The following ADGRB3 variants were observed in gnomAD, a reference collection of about 807,000 sequenced individuals.
ADGRB3 encodes brain-specific angiogenesis inhibitor 3.
In ADGRB3, 37 loss-of-function variants were observed where a neutral mutation model predicts 193.4. The observed-to-expected ratio is 0.19, with a 90% CI of 0.15 to 0.25. The LOEUF (loss-of-function observed/expected upper bound fraction) is 0.25. Ranked by LOEUF, ADGRB3 falls within the 10% of genes least tolerant of loss-of-function variation. ADGRB3 has a pLI of 1.00. For missense variants in ADGRB3, 1,637 were observed against 1,852.9 expected (o/e 0.88, Z 2.14); for synonymous variants, 690 against 644.2 (o/e 1.07, Z -1.08).
chr6:68,776,862 C>T (rs1766757732), intron 3 of ADGRB3, among the ~76,000 whole-genome samples: 1 of 151,992 alleles, frequency 6.6e-6, no homozygotes, highest in Non-Finnish European at 1.5e-5. Flanking sequence ...AAAAAGGAAT[C>T]CTTAAACCTC....
intron 3 of ADGRB3, among the ~76,000 whole-genome samples, chr6:68,920,382 G>C (rs1932609): frequency 0.67 from 101,171 of 151,014 alleles, 34,578 homozygotes; most frequent in Middle Eastern, 0.82. Context: ...AGCCGGGCGT[G>C]GTGGTGGGCT....
intron 3 of ADGRB3, among the ~76,000 whole-genome samples, chr6:68,813,769 AT>A (rs1172698137): frequency 6.6e-6 from 1 of 151,820 alleles, no homozygotes; most frequent in East Asian, 1.9e-4. Context: ...ATGTGTTCTC[AT>A]TGTTCGATTC....
chr6:68,795,277 AG>A (rs1170932409), intron 3 of ADGRB3, among the ~76,000 whole-genome samples: 1 of 152,112 alleles, frequency 6.6e-6, no homozygotes, highest in African/African-American at 2.4e-5. Flanking sequence ...AAAAAAAAGA[AG>A]AAAAAATAGA....
chr6:69,110,460 A>G (rs1269837633), intron 17 of ADGRB3, among the ~76,000 whole-genome samples: 3 of 152,200 alleles, frequency 2.0e-5, no homozygotes, highest in African/African-American at 7.2e-5. Flanking sequence ...GGAAACTGCT[A>G]CAGAAAAACA....
At chr6:68,897,889 A>T (rs79841263) in intron 3 of ADGRB3, among the ~76,000 whole-genome samples, 1 of 149,382 alleles carries the variant, frequency 6.7e-6, no homozygotes, top group African/African-American at 2.4e-5. Flanking sequence ...AGAAAGAAAA[A>T]AGAAAAGCAG....
At chr6:68,780,148 C>G (rs1441849101) in intron 3 of ADGRB3, among the ~76,000 whole-genome samples, 1 of 152,018 alleles carries the variant, frequency 6.6e-6, no homozygotes, top group African/African-American at 2.4e-5. Flanking sequence ...GTGGAATCCC[C>G]TTTAATAGAT....
chr6:69,002,115 C>CT (rs1769595351), intron 11 of ADGRB3, among the ~76,000 whole-genome samples: 1 of 151,762 alleles, frequency 6.6e-6, no homozygotes, highest in African/African-American at 2.4e-5. Flanking sequence ...TTTCTGATTT[C>CT]TTTTTTAAGT....
At chr6:69,261,250 A>G (rs1030010159) in intron 20 of ADGRB3, among the ~76,000 whole-genome samples, 6 of 152,142 alleles carry the variant, frequency 3.9e-5, no homozygotes, top group Admixed American at 1.3e-4. Context: ...TGTAAGAAAA[A>G]GGTCTCAAGC....
chr6:69,362,208 G>A (rs553107019), intron 29 of ADGRB3, among the ~76,000 whole-genome samples: 1 of 152,012 alleles, frequency 6.6e-6, no homozygotes, highest in African/African-American at 2.4e-5. Flanking sequence ...CAAAAGCAAA[G>A]AGTAAACTCG....
chr6:69,097,076 A>G (rs1195033950), intron 17 of ADGRB3, among the ~76,000 whole-genome samples: 2 of 152,242 alleles, frequency 1.3e-5, no homozygotes, highest in Admixed American at 6.5e-5. Context: ...TTCACTTTAA[A>G]AGCTGTAGCT....
chr6:69,130,586 A>G (rs916756039), intron 17 of ADGRB3, among the ~76,000 whole-genome samples: 1 of 150,298 alleles, frequency 6.7e-6, no homozygotes, highest in Admixed American at 6.6e-5. Context: ...CAGCCCCCCG[A>G]CTGGGCTCCT....
Position 69,167,033 on chromosome 6 carries a change from G to A in ADGRB3, c.2481-66257G>A, listed in dbSNP as rs534254320. On this transcript the variant is annotated intron_variant, in intron 17 of 31. Coordinates refer to ENST00000370598, the MANE Select transcript of ADGRB3 (RefSeq NM_001704.3). Reference sequence around the variant, plus strand: ...CTTTAAGAACATTTTGTACATCTTTGTTCTGCTGTATGTTTATTTAGAGTT... The same window carrying A: ...CTTTAAGAACATTTTGTACATCTTTATTCTGCTGTATGTTTATTTAGAGTT... 1.3e-3 allele frequency among the ~76,000 whole-genome samples: 205 copies of A among 152,138 alleles called. 1 individual carries two copies. The highest frequency in any genetic ancestry group is 2.3e-3 in the Non-Finnish European group (155 of 67,970).
intron 17 of ADGRB3, among the ~76,000 whole-genome samples, chr6:69,176,198 C>T (rs1390049231): frequency 6.6e-6 from 1 of 152,164 alleles, no homozygotes; most frequent in Non-Finnish European, 1.5e-5. Flanking sequence ...TGAGAGTGGG[C>T]ATCCTTATCT....
At chr6:69,370,623 T>C (rs1769687817) in intron 29 of ADGRB3, among the ~76,000 whole-genome samples, 3 of 152,148 alleles carry the variant, frequency 2.0e-5, no homozygotes, top group Admixed American at 2.0e-4. Context: ...AGAAACAGAA[T>C]CTATCTCTGG....
In ADGRB3 at chr6:68,700,560, C is replaced by A. The variant is rs148579538; in HGVS notation, c.757+61128C>A. ...TGTTATTTTATTTGTAATGTGTTTT[C>A]CCTTTATCCATCATAATTAAACAAT... On this transcript the variant is annotated intron_variant, in intron 3 of 31. Coordinates refer to ENST00000370598, the MANE Select transcript of ADGRB3 (RefSeq NM_001704.3). Among the ~76,000 whole-genome samples, 201 of 152,018 alleles carry A rather than the reference C, an allele frequency of 1.3e-3. 1 individual carries two copies. Among genetic ancestry groups the A allele is most frequent in the African/African-American group, 4.7e-3 (193 of 41,486 alleles).
chr6:68,700,454 G>A (rs1213310708), intron 3 of ADGRB3, among the ~76,000 whole-genome samples: 1 of 151,922 alleles, frequency 6.6e-6, no homozygotes, highest in Non-Finnish European at 1.5e-5. Flanking sequence ...CATAGAAAAG[G>A]GATTTGGAAA....
intron 20 of ADGRB3, among the ~76,000 whole-genome samples, chr6:69,266,937 G>A (rs1767056851): frequency 6.6e-6 from 1 of 152,082 alleles, no homozygotes; most frequent in Non-Finnish European, 1.5e-5. Flanking sequence ...GTCTAAGGTT[G>A]TACAGATAAT....
chr6:68,893,997 T>G (rs560841238), intron 3 of ADGRB3, among the ~76,000 whole-genome samples: 16 of 152,076 alleles, frequency 1.1e-4, no homozygotes, highest in Admixed American at 5.9e-4. Flanking sequence ...TGGTTTATTT[T>G]TAGATGATAT....
chr6:68,782,517 T>G (rs1172652911), intron 3 of ADGRB3, among the ~76,000 whole-genome samples: 1 of 152,116 alleles, frequency 6.6e-6, no homozygotes, highest in Non-Finnish European at 1.5e-5. Flanking sequence ...CAAATGATAT[T>G]TCTAGTTCTA....
Sources: gnomAD v4.1 joint callset for allele counts (sites outside exome capture counted in the v4.1 genomes callset) on GRCh38, gnomAD v4.1.1 for gene constraint, MANE v1.5 for transcripts, NCBI Gene and HGNC (gene_info 2026-07-23, HGNC 2026-07-21) for gene names.